Variants in DNAAF11 observed in about 807,000 individuals in gnomAD.
DNAAF11 encodes leucine rich repeat containing 6.
In DNAAF11, 45 loss-of-function variants were observed where a neutral mutation model predicts 60.8. The ratio of observed to expected loss-of-function variants is 0.74; its 90% CI spans 0.58 to 0.95. The LOEUF is 0.95. Ranked by LOEUF, DNAAF11 falls within the 40% of genes least tolerant of loss-of-function variation. DNAAF11 has a pLI of 0.00. For synonymous variants in DNAAF11, 191 were observed against 183.5 expected, an observed-to-expected ratio of 1.04 and a Z score of -0.33; for missense variants, 546 against 546.2, an observed-to-expected ratio of 1.00 and a Z score of 0.00.
At chr8:132,613,297 G>A (rs531531270) in intron 8 of DNAAF11, among the ~76,000 whole-genome samples, 3 of 152,280 alleles carry the variant, frequency 2.0e-5, no homozygotes, top group Admixed American at 1.3e-4. Context: ...ACCATCTGGT[G>A]AACGGATAAA....
chr8:132,666,701 T>G (rs1308068649), intron 1 of DNAAF11, among the ~76,000 whole-genome samples: 1 of 152,178 alleles, frequency 6.6e-6, no homozygotes, highest in East Asian at 1.9e-4. Flanking sequence ...AGGAAGCAAG[T>G]GTATCTTCTT....
At chr8:132,665,368 A>G (rs990406119) in intron 1 of DNAAF11, among the ~76,000 whole-genome samples, 3 of 152,212 alleles carry the variant, frequency 2.0e-5, no homozygotes, top group Non-Finnish European at 4.4e-5. Context: ...TTTAAGTCCA[A>G]GGAGCATTAT....
At chr8:132,664,222 C>A (rs1824404357) in intron 1 of DNAAF11, among the ~76,000 whole-genome samples, 1 of 152,204 alleles carries the variant, frequency 6.6e-6, no homozygotes, top group South Asian at 2.1e-4. Flanking sequence ...GAGATGTCAT[C>A]CATGGTTAAG....
intron 1 of DNAAF11, among the ~76,000 whole-genome samples, chr8:132,672,727 T>C (rs1825304390): frequency 6.6e-6 from 1 of 152,200 alleles, no homozygotes; most frequent in Admixed American, 6.5e-5. Context: ...GTGAGTGAGC[T>C]ATTATTATCA....
the DNAAF11 span, among the ~76,000 whole-genome samples, chr8:132,688,385 C>A: frequency 6.6e-6 from 1 of 152,178 alleles, no homozygotes; most frequent in African/African-American, 2.4e-5. Flanking sequence ...TGAATTTTCA[C>A]GAAGGAGCTT....
At chr8:132,678,346 C>T (rs140077390), upstream of DNAAF11, among the ~76,000 whole-genome samples, 13 of 152,316 alleles carry the variant, frequency 8.5e-5, no homozygotes, top group Admixed American at 3.9e-4. Context: ...TAACAATGTA[C>T]AACCAATAAC....
chr8:132,572,586 A>C, intron 11 of DNAAF11, 106 bp from the exon 12 acceptor site: 1 of 717,926 alleles, frequency 1.4e-6, no homozygotes, highest in Non-Finnish European at 2.3e-6. Flanking sequence ...GGCAAGTAAT[A>C]TGCCTGGAGC....
chr8:132,625,507 T>C (rs1425369043), intron 5 of DNAAF11, 53 bp from the exon 6 acceptor site: 3 of 1,326,702 alleles, frequency 2.3e-6, no homozygotes, highest in Admixed American at 2.2e-5. Flanking sequence ...ATGAGCTTCA[T>C]CCTTAATGCT....
At chr8:132,643,765 A>G (rs962286692) in intron 3 of DNAAF11, 1 of 454,918 alleles carries the variant, frequency 2.2e-6, no homozygotes, top group Non-Finnish European at 4.4e-6. Context: ...TATTGAGTGC[A>G]TTCGTTAGAC....
intron 10 of DNAAF11, chr8:132,608,453 G>A: frequency 2.3e-6 from 1 of 442,798 alleles, no homozygotes; most frequent in South Asian, 1.6e-5. Context: ...GAAAAATTTA[G>A]ACAGATTAAA....
intron 1 of DNAAF11, among the ~76,000 whole-genome samples, chr8:132,663,766 C>A (rs1824355564): frequency 6.6e-6 from 1 of 152,206 alleles, no homozygotes; most frequent in African/African-American, 2.4e-5. Context: ...GGCTCCAAGC[C>A]TTACTCTAAA....
chr8:132,590,092 GC>G (rs1205923758), intron 10 of DNAAF11, among the ~76,000 whole-genome samples: 1 of 152,212 alleles, frequency 6.6e-6, no homozygotes, highest in Non-Finnish European at 1.5e-5. Context: ...TCTTTGCTCT[GC>G]TCTGTAAATC....
the DNAAF11 span, among the ~76,000 whole-genome samples, chr8:132,698,400 T>C: frequency 6.6e-6 from 1 of 152,118 alleles, no homozygotes; most frequent in African/African-American, 2.4e-5. Context: ...AAGCTGCTTC[T>C]CAGGGGCAAC....
intron 3 of DNAAF11, among the ~76,000 whole-genome samples, chr8:132,654,705 A>G (rs1215922068): frequency 1.3e-5 from 2 of 151,956 alleles, no homozygotes; most frequent in Admixed American, 1.3e-4. Flanking sequence ...TTGCAAAAAA[A>G]AAAAATCAGA....
chr8:132,629,492 C>G (rs916446928), intron 5 of DNAAF11, among the ~76,000 whole-genome samples: 1 of 151,956 alleles, frequency 6.6e-6, no homozygotes, highest in African/African-American at 2.4e-5. Context: ...GGACTACAGG[C>G]GCCTGCCACC....
chr8:132,675,150 G>A lies in DNAAF11; in HGVS notation c.10+334C>T, dbSNP rs528965795. The A allele has an allele frequency of 1.5e-5, 5 of 336,852 alleles. No individual in the cohort carries two copies. The East Asian group carries it at 1.8e-4, about 12-fold the overall frequency. 20.9% of individuals were successfully genotyped at this position (336,852 alleles called of 1,614,324 possible). A position where few individuals can be genotyped will look rare whatever the true frequency, so the allele number is the denominator to read the frequency against. On this transcript the variant is annotated intron_variant, in intron 1 of 11. Coordinates refer to ENST00000620350, the MANE Select transcript of DNAAF11 (RefSeq NM_012472.6). ...TTCACAGCCAGTAAGGAGCCACTTG[G>A]CCGGAACGTGGTGTGTCTGGCGCCA...
At chr8:132,597,491 T>C (rs1364174007) in intron 10 of DNAAF11, among the ~76,000 whole-genome samples, 2 of 152,224 alleles carry the variant, frequency 1.3e-5, no homozygotes, top group Non-Finnish European at 2.9e-5. Flanking sequence ...CTTCATCTGG[T>C]ATCTACTATA....
chr8:132,583,854 T>C, intron 10 of DNAAF11, 75 bp from the exon 11 acceptor site: 1 of 958,364 alleles, frequency 1.0e-6, no homozygotes, highest in South Asian at 1.4e-5. Context: ...CATATATGTA[T>C]TTTAAAAGAT....
intron 11 of DNAAF11, among the ~76,000 whole-genome samples, chr8:132,579,752 T>C (rs1174681972): frequency 6.6e-6 from 1 of 151,980 alleles, no homozygotes; most frequent in East Asian, 1.9e-4. Context: ...CCCAACAATT[T>C]GGGAGGCTGC....
Sources: allele counts gnomAD v4.1 joint callset (sites outside exome capture counted in the v4.1 genomes callset), GRCh38; gene constraint gnomAD v4.1.1; transcripts MANE v1.5; gene names NCBI Gene and HGNC (gene_info 2026-07-23, HGNC 2026-07-21).